Variants in AGRN observed in about 807,000 individuals in gnomAD.
The protein encoded by AGRN is agrin.
AGRN carries 106 observed loss-of-function variants against 211.0 expected under a neutral mutation model. That is an observed-to-expected ratio of 0.50 (90% confidence interval 0.43 to 0.59). The LOEUF is 0.59. Among genes scored for constraint, AGRN ranks in the 20% least tolerant of loss-of-function variants. The probability of loss-of-function intolerance (pLI) is 0.00; values close to 1 mark genes in which losing one functional copy is unlikely to be tolerated. For synonymous variants in AGRN, 1,525 were observed against 1,332.5 expected, an observed-to-expected ratio of 1.14 and a Z score of -3.15; for missense variants, 3,040 against 2,982.6, an observed-to-expected ratio of 1.02 and a Z score of -0.45.
chr1:1,023,115 C>T (rs546658997), intron 2 of AGRN, among the ~76,000 whole-genome samples: 1 of 152,246 alleles, frequency 6.6e-6, no homozygotes, highest in East Asian at 1.9e-4. Flanking sequence ...TCCCTGTCGC[C>T]CCCACATCCT....
chr1:1,049,456 G>T lies in AGRN; in HGVS notation c.4514+5G>T. 2 of 1,600,198 alleles carry T rather than the reference G, an allele frequency of 1.2e-6. No homozygotes were observed. Among genetic ancestry groups the T allele is most frequent in the African/African-American group, 2.7e-5 (2 of 74,992 alleles). On this transcript the variant is annotated splice_donor_5th_base_variant and intron_variant, in intron 25 of 35. Coordinates refer to ENST00000379370, the MANE Select transcript of AGRN (RefSeq NM_198576.4). ...ACCCGAGGACCAGGCTGCCGTGTGA[G>T]TCCCTTGGAGGGTGGTGTGGCCCCG...
intron 2 of AGRN, 144 bp from the exon 3 acceptor site, chr1:1,035,133 G>A (rs1171920996): frequency 4.2e-6 from 4 of 947,282 alleles, no homozygotes; most frequent in Non-Finnish European, 6.7e-6. Context: ...GGTCAGGGCT[G>A]GACCCTTCAG....
rs369884939 is a variant in AGRN at position 1,048,182 on chromosome 1, C to T, written c.3922C>T (p.Arg1308Cys). The change falls in exon 23 of 36, where the codon CGT becomes TGT. Residue 1308 changes from arginine to cysteine, a missense_variant. Around this residue, in one of 3 missense-constraint regions of AGRN, gnomAD observed 1,537 missense variants for 1,505.0 expected, o/e 1.02. Transcript: ENST00000379370. This position sits in a 1 kb window ranked among gnomAD's most constrained non-coding sequence, Gnocchi z 5.9. The part of the protein sequence containing the change: ...VAKTTAAPTT[R>C]RPPTTAPSRV... ...CAAGACCACGGCAGCCCCCACCACA[C>T]GTCGGCCCCCCACCACTGCCCCCAG... 1.4e-5 allele frequency: 22 copies of T among 1,572,032 alleles called. No individual in the cohort carries two copies. Among genetic ancestry groups the T allele is most frequent in the Non-Finnish European group, 1.7e-5 (20 of 1,163,864 alleles).
rs1645424435 is a variant in AGRN at position 1,055,295 on chromosome 1, G to A, written c.*314G>A. ...CAGCCCCGGCTCCTGAATCACCCTC[G>A]CTCCGTCAGGCGGGACTCGTGTCCC... On this transcript the variant is annotated 3_prime_UTR_variant, in exon 36 of 36. Coordinates refer to ENST00000379370, the MANE Select transcript of AGRN (RefSeq NM_198576.4). 2 of 424,598 alleles carry A rather than the reference G, an allele frequency of 4.7e-6. No homozygotes were observed. The highest frequency in any genetic ancestry group is 2.0e-5 in the African/African-American group (1 of 49,488). The allele number at this position is 424,598 out of a possible 1,614,324, so 26.3% of individuals were successfully genotyped here.
intron 3 of AGRN, among the ~76,000 whole-genome samples, chr1:1,038,170 G>T (rs1041978321): frequency 6.6e-6 from 1 of 152,198 alleles, no homozygotes; most frequent in East Asian, 1.9e-4. Context: ...TGCTGTGAGG[G>T]AGATCCACCC....
chr1:1,044,516 C>A, intron 12 of AGRN, 77 bp downstream of exon 12: 1 of 1,425,008 alleles, frequency 7.0e-7, no homozygotes, highest in South Asian at 1.2e-5. Flanking sequence ...TGGGCGTGCC[C>A]GTGTGCTGCG....
chr1:1,045,575 AC>A lies in AGRN; in HGVS notation c.2536+57del, dbSNP rs139005472. On this transcript the variant is annotated intron_variant, in intron 14 of 35. Transcript: ENST00000379370. ...ACCGGCTATGCCCTCCTACCTGTTCACCCCCATCACTGTGCTTCTCCTCACC... is the reference window on the plus strand; with the variant it reads ...ACCGGCTATGCCCTCCTACCTGTTCACCCCATCACTGTGCTTCTCCTCACC... 7.4e-3 allele frequency: 11,844 copies of A among 1,606,016 alleles called. 215 individuals are homozygous for A. Among genetic ancestry groups the A allele is most frequent in the African/African-American group, 0.064 (4,813 of 74,868 alleles).
intron 33 of AGRN, chr1:1,052,355 G>A: frequency 2.9e-6 from 1 of 343,338 alleles, no homozygotes; most frequent in Non-Finnish European, 5.8e-6. Context: ...ATGTGCAAGT[G>A]TGTGTGAATA....
intron 7 of AGRN, among the ~76,000 whole-genome samples, chr1:1,042,437 T>A (rs1644970496): frequency 6.6e-6 from 1 of 152,122 alleles, no homozygotes; most frequent in South Asian, 2.1e-4. Context: ...TCCGCATGTC[T>A]CCACGCTGTA....
intron 2 of AGRN, among the ~76,000 whole-genome samples, chr1:1,022,756 G>A (rs1644437147): frequency 6.6e-6 from 1 of 152,270 alleles, no homozygotes; most frequent in African/African-American, 2.4e-5. Flanking sequence ...TCCTTCTGGA[G>A]GCCCCTTCTA....
chr1:1,048,944 C>T lies in AGRN; in HGVS notation c.4183C>T (p.Arg1395Cys), dbSNP rs1015396973. The T allele has an allele frequency of 6.4e-6, 10 of 1,566,932 alleles. No individual in the cohort carries two copies. The highest frequency in any genetic ancestry group is 2.3e-5 in the South Asian group (2 of 85,224). Residue 1395 changes from arginine (R) to cysteine (C), a missense_variant, in exon 24 of 36, where the codon CGC (arginine) becomes TGC (cysteine). By Grantham distance (180) the Arg-to-Cys change is radical. Transcript: ENST00000379370. This position sits in a 1 kb window ranked among gnomAD's most constrained non-coding sequence, Gnocchi z 5.9. The part of the protein sequence containing the change: ...FPTLRAYHTL[R>C]LALEFRALEP... ...CACTCTCCGCGCCTACCACACGCTG[C>T]GCCTGGCACTGGAATTCCGGGCGCT...
At chr1:1,042,443 C>T (rs1481743032) in intron 7 of AGRN, among the ~76,000 whole-genome samples, 1 of 152,178 alleles carries the variant, frequency 6.6e-6, no homozygotes, top group Non-Finnish European at 1.5e-5. Flanking sequence ...TGTCTCCACG[C>T]TGTAAGCACA....
chr1:1,033,302 G>A (rs958940999), intron 2 of AGRN, among the ~76,000 whole-genome samples: 2 of 152,114 alleles, frequency 1.3e-5, no homozygotes, highest in Middle Eastern at 3.4e-3. Flanking sequence ...GCCGCACCTG[G>A]GGCCCTCCCC....
chr1:1,041,491 C>T lies in AGRN; in HGVS notation c.966C>T (p.Gly322=), dbSNP rs777762146. The part of the protein sequence containing the change: ...KFDGPCDPCQ[G]ALPDPSRSCR... Reference sequence around the variant, plus strand: ...CTCGACCCCCAGACCCCTGTCAGGGCGCCCTCCCTGACCCGAGCCGCAGCT... The same window carrying T: ...CTCGACCCCCAGACCCCTGTCAGGGTGCCCTCCCTGACCCGAGCCGCAGCT... Residue 322 remains glycine (G), a synonymous_variant, in exon 6 of 36, where the codon GGC becomes GGT. Coordinates refer to ENST00000379370, the MANE Select transcript of AGRN (RefSeq NM_198576.4). 31 of 1,594,438 alleles carry T rather than the reference C, an allele frequency of 1.9e-5. No homozygotes were observed. The South Asian group carries it at 3.2e-4, about 17-fold the overall frequency.
At chr1:1,034,118 T>C in intron 2 of AGRN, 6 of 985,106 alleles carry the variant, frequency 6.1e-6, no homozygotes, top group Non-Finnish European at 7.2e-6. Flanking sequence ...CCCGCTCCTA[T>C]CGCCGCTTCC....
intron 3 of AGRN, among the ~76,000 whole-genome samples, chr1:1,036,926 T>C (rs1429051274): frequency 6.6e-6 from 1 of 152,150 alleles, no homozygotes; most frequent in African/African-American, 2.4e-5. Context: ...GTTTGTGACC[T>C]GAGGCATTTG....
In AGRN at chr1:1,048,977, C is replaced by T; in HGVS notation, c.4216C>T (p.Gln1406Ter). 6 of 1,577,496 alleles carry T rather than the reference C, an allele frequency of 3.8e-6. No individual in the cohort carries two copies. The highest frequency in any genetic ancestry group is 1.8e-5 in the Admixed American group (1 of 55,548). The change falls in exon 24 of 36, where the codon CAG (glutamine) becomes TAG (stop). Residue 1406 changes from glutamine (Q) to a stop codon, truncating the protein, a stop_gained. Coordinates refer to ENST00000379370, the MANE Select transcript of AGRN (RefSeq NM_198576.4). LOFTEE classifies it high-confidence loss of function. This position sits in a 1 kb window ranked among gnomAD's most constrained non-coding sequence, Gnocchi z 5.9. ...LALEFRALEP[Q>*]GLLLYNGNAR... ...ACTGGAATTCCGGGCGCTGGAGCCT[C>T]AGGGGCTGCTGCTGTACAATGGCAA...
At position 1,041,252 on chromosome 1, in the gene AGRN, G is replaced by A. The variant is rs746098476; in HGVS notation, c.807G>A (p.Ser269=). ...GCTCGGCCGACGGGCTGACGGCCTC[G>A]TGCCTGTGCCCCGCGACCTGCCGTG... ...CARSADGLTA[S]CLCPATCRGA... Residue 269 remains serine, a synonymous_variant, in exon 5 of 36, where the codon TCG becomes TCA. Coordinates refer to ENST00000379370, the MANE Select transcript of AGRN (RefSeq NM_198576.4). 1.9e-5 allele frequency: 29 copies of A among 1,497,014 alleles called. No homozygotes were observed. In the African/African-American group the frequency reaches 2.6e-4, roughly 13 times the overall value. 92.7% of individuals were successfully genotyped at this position (1,497,014 alleles called of 1,614,324 possible).
In AGRN at chr1:1,051,054, C is replaced by T. The variant is rs1464765332; in HGVS notation, c.5254-199C>T. 4 of 1,548,978 alleles carry T rather than the reference C, an allele frequency of 2.6e-6. No homozygotes were observed. In the South Asian group the frequency reaches 3.6e-5, roughly 14 times the overall value. ...CAGAAATCCCGCAAGGTACTGTCGG[C>T]CTCTCATCCGCTCACCGTCTCTGGC... On this transcript the variant is annotated intron_variant, in intron 30 of 35. Coordinates refer to ENST00000379370, the MANE Select transcript of AGRN (RefSeq NM_198576.4).
Sources: gnomAD v4.1 joint callset for allele counts (sites outside exome capture counted in the v4.1 genomes callset) on GRCh38, gnomAD v4.1.1 for gene constraint, gnomAD v4.1.1 regional missense constraint, Gnocchi (gnomAD v3.1) non-coding constraint, MANE v1.5 for transcripts, NCBI Gene and HGNC (gene_info 2026-07-23, HGNC 2026-07-21) for gene names.